The following SSBP2 variants were observed in gnomAD, a reference collection of about 807,000 sequenced individuals.
The protein encoded by SSBP2 is single stranded DNA binding protein 2.
SSBP2 carries 17 observed loss-of-function variants against 61.8 expected under a neutral mutation model. The observed-to-expected ratio is 0.28, with a 90% CI of 0.19 to 0.41. SSBP2 has a LOEUF of 0.41. Among genes scored for constraint, SSBP2 ranks in the 10% least tolerant of loss-of-function variants. The pLI, the probability that SSBP2 is intolerant of heterozygous loss-of-function variation, is 1.00. For synonymous variants in SSBP2, 139 were observed against 141.3 expected, an observed-to-expected ratio of 0.98 and a Z score of 0.12; for missense variants, 310 against 458.7, an observed-to-expected ratio of 0.68 and a Z score of 2.96.
At chr5:81,696,932 G>A (rs1753644351) in intron 1 of SSBP2, among the ~76,000 whole-genome samples, 1 of 152,152 alleles carries the variant, frequency 6.6e-6, no homozygotes, top group Non-Finnish European at 1.5e-5. Context: ...GAAATAAAGT[G>A]GATGGAGGTT....
intron 6 of SSBP2, among the ~76,000 whole-genome samples, chr5:81,481,407 A>AG (rs1398349826): frequency 6.6e-6 from 1 of 152,032 alleles, no homozygotes; most frequent in Admixed American, 6.6e-5. Context: ...GGATCACCTG[A>AG]GGTCAGGAGT....
intron 4 of SSBP2, among the ~76,000 whole-genome samples, chr5:81,554,638 G>A (rs1008173127): frequency 4.0e-5 from 6 of 151,818 alleles, no homozygotes; most frequent in Admixed American, 6.6e-5. Context: ...TAAACCACTA[G>A]CCTTTTTGAC....
intron 5 of SSBP2, among the ~76,000 whole-genome samples, chr5:81,504,243 A>G (rs979345416): frequency 6.6e-6 from 1 of 152,160 alleles, no homozygotes; most frequent in Non-Finnish European, 1.5e-5. Context: ...AAAATTTTGC[A>G]ATGACATGCA....
intron 5 of SSBP2, among the ~76,000 whole-genome samples, chr5:81,509,617 G>GT (rs1051420625): frequency 1.2e-4 from 18 of 152,042 alleles, no homozygotes; most frequent in African/African-American, 3.9e-4. Flanking sequence ...GGTACTTTGA[G>GT]TTTTTTAATA....
intron 4 of SSBP2, among the ~76,000 whole-genome samples, chr5:81,538,502 A>C (rs1002630034): frequency 9.9e-5 from 15 of 152,264 alleles, no homozygotes; most frequent in Non-Finnish European, 1.5e-4. Flanking sequence ...TGGTTATACC[A>C]AACAACAGAT....
At chr5:81,440,464 G>A in intron 14 of SSBP2, 94 bp downstream of exon 14, 1 of 983,578 alleles carries the variant, frequency 1.0e-6, no homozygotes, top group Admixed American at 2.3e-5. Flanking sequence ...ATGAGTAGCT[G>A]GCTATGGAAG....
intron 1 of SSBP2, among the ~76,000 whole-genome samples, chr5:81,721,802 C>G (rs1021869258): frequency 1.3e-5 from 2 of 152,028 alleles, no homozygotes; most frequent in African/African-American, 4.8e-5. Flanking sequence ...TATAAGGAAT[C>G]AAATGCCTTT....
chr5:81,451,315 A>T (rs1037481346), intron 10 of SSBP2, among the ~76,000 whole-genome samples: 1 of 151,850 alleles, frequency 6.6e-6, no homozygotes, highest in African/African-American at 2.4e-5. Context: ...TTAAATTTTC[A>T]TGTATATCCC....
intron 1 of SSBP2, chr5:81,710,554 G>C (rs531733129): frequency 2.8e-6 from 1 of 353,316 alleles, no homozygotes; most frequent in African/African-American, 2.1e-5. Flanking sequence ...AGTATAATAT[G>C]AGGGGCTGAT....
intron 5 of SSBP2, among the ~76,000 whole-genome samples, chr5:81,503,632 A>C (rs1053720743): frequency 2.0e-5 from 3 of 152,238 alleles, no homozygotes; most frequent in Non-Finnish European, 4.4e-5. Flanking sequence ...GTTACTGGGT[A>C]CATACCCAAA....
chr5:81,629,492 A>T (rs1347666887), intron 3 of SSBP2, among the ~76,000 whole-genome samples: 7 of 152,094 alleles, frequency 4.6e-5, no homozygotes, highest in Non-Finnish European at 1.0e-4. Flanking sequence ...ATACCAAATT[A>T]CCTGTCATTA....
intron 1 of SSBP2, among the ~76,000 whole-genome samples, chr5:81,669,898 A>C (rs1392684656): frequency 6.6e-6 from 1 of 152,150 alleles, no homozygotes; most frequent in Non-Finnish European, 1.5e-5. Flanking sequence ...GACTAAGAGA[A>C]AGAAACCAAT....
chr5:81,645,935 A>AT (rs2153698662), intron 2 of SSBP2, among the ~76,000 whole-genome samples: 1 of 152,272 alleles, frequency 6.6e-6, no homozygotes, highest in Non-Finnish European at 1.5e-5. Flanking sequence ...TTGTTAGTCC[A>AT]TTTTTTCTTT....
At chr5:81,524,388 T>C (rs1193047907) in intron 4 of SSBP2, among the ~76,000 whole-genome samples, 4 of 152,006 alleles carry the variant, frequency 2.6e-5, no homozygotes, top group African/African-American at 9.7e-5. Context: ...AACAAAGAAA[T>C]CAGCCCAGCA....
chr5:81,682,056 T>C (rs980002859), intron 1 of SSBP2, among the ~76,000 whole-genome samples: 4 of 152,192 alleles, frequency 2.6e-5, no homozygotes, highest in African/African-American at 9.7e-5. Context: ...ATTAGAAACA[T>C]TGAATCAATA....
chr5:81,585,119 T>C (rs1340446503), intron 4 of SSBP2, among the ~76,000 whole-genome samples: 2 of 152,030 alleles, frequency 1.3e-5, no homozygotes, highest in Admixed American at 6.6e-5. Flanking sequence ...TCAACAATAC[T>C]GGTGAAAAAA....
chr5:81,586,089 A>G (rs767879790), intron 4 of SSBP2, among the ~76,000 whole-genome samples: 2 of 152,232 alleles, frequency 1.3e-5, no homozygotes, highest in Non-Finnish European at 2.9e-5. Flanking sequence ...TACTGTGAAT[A>G]ATGCTGCAAT....
intron 4 of SSBP2, among the ~76,000 whole-genome samples, chr5:81,587,280 G>C (rs905524220): frequency 1.3e-5 from 2 of 152,146 alleles, no homozygotes; most frequent in Non-Finnish European, 2.9e-5. Context: ...AAGTAAACTA[G>C]TATGAGTGTA....
intron 5 of SSBP2, among the ~76,000 whole-genome samples, chr5:81,491,939 C>A (rs1280039462): frequency 6.6e-6 from 1 of 152,176 alleles, no homozygotes; most frequent in African/African-American, 2.4e-5. Flanking sequence ...CCTAAGTCCT[C>A]AACTGCCTAG....
Sources: allele counts gnomAD v4.1 joint callset (sites outside exome capture counted in the v4.1 genomes callset), GRCh38; gene constraint gnomAD v4.1.1; transcripts MANE v1.5; gene names NCBI Gene and HGNC (gene_info 2026-07-23, HGNC 2026-07-21).